AZI2: variants seen among roughly 807,000 people sequenced by gnomAD.
AZI2 encodes 5-azacytidine induced 2.
AZI2 carries 22 observed loss-of-function variants against 45.8 expected under a neutral mutation model. The ratio of observed to expected loss-of-function variants is 0.48; its 90% CI spans 0.34 to 0.69. The LOEUF is 0.69. Among genes scored for constraint, AZI2 ranks in the 30% least tolerant of loss-of-function variants. The probability of loss-of-function intolerance (pLI) is 0.01; values close to 1 mark genes in which losing one functional copy is unlikely to be tolerated. For synonymous variants in AZI2, 137 were observed against 156.7 expected (o/e 0.87, Z 0.94); for missense variants, 417 against 441.5 (o/e 0.94, Z 0.50).
Position 28,322,416 on chromosome 3 carries a change from A to C in AZI2, c.*1626T>G, listed in dbSNP as rs1447196328. The C allele has an allele frequency of 6.6e-6, 1 of 151,662 alleles. No homozygotes were observed. Among genetic ancestry groups the C allele is most frequent in the Non-Finnish European group, 1.5e-5 (1 of 67,440 alleles). 9.4% of individuals were successfully genotyped at this position (151,662 alleles called of 1,614,324 possible). On this transcript the variant is annotated 3_prime_UTR_variant, in exon 8 of 8. Coordinates refer to ENST00000479665, the MANE Select transcript of AZI2 (RefSeq NM_022461.5). ...ATTTCTTGGTATTGTTCAAAACATT[A>C]ATCAAGCAATTATCTCATAAGACTT...
intron 6 of AZI2, 90 bp downstream of exon 6, chr3:28,332,279 G>A: frequency 8.5e-7 from 1 of 1,170,202 alleles, no homozygotes; most frequent in Non-Finnish European, 1.2e-6. Context: ...TTGTTTTTAA[G>A]GTTAAGTCAT....
At chr3:28,336,582 AAG>A (rs1290080581) in intron 5 of AZI2, among the ~76,000 whole-genome samples, 153 bp downstream of exon 5, 1 of 152,234 alleles carries the variant, frequency 6.6e-6, no homozygotes, top group African/African-American at 2.4e-5. Context: ...GAAATGCTTA[AAG>A]AGGTAGATAA....
Position 28,338,051 on chromosome 3 carries a change from A to G in AZI2, c.340-15T>C. 7.0e-7 allele frequency: 1 copy of G among 1,436,230 alleles called. No individual in the cohort carries two copies. Among genetic ancestry groups the G allele is most frequent in the Non-Finnish European group, 9.6e-7 (1 of 1,046,578 alleles). The allele number at this position is 1,436,230 out of a possible 1,614,324, so 89.0% of individuals were successfully genotyped here. ...TTGTCTTTATTCTAGTTAAGTAGGG[A>G]AAATGCCAAATTACATTCAATAAAA... On this transcript the variant is annotated splice_polypyrimidine_tract_variant and intron_variant, in intron 3 of 7. Transcript: ENST00000479665.
chr3:28,329,871 C>G (rs930507353), intron 6 of AZI2, among the ~76,000 whole-genome samples: 6 of 151,260 alleles, frequency 4.0e-5, no homozygotes, highest in Admixed American at 2.7e-4. Context: ...ACCATACTTA[C>G]CCTTATTGTG....
At chr3:28,347,195 G>A (rs1704277116) in intron 1 of AZI2, among the ~76,000 whole-genome samples, 1 of 152,146 alleles carries the variant, frequency 6.6e-6, no homozygotes, top group Non-Finnish European at 1.5e-5. Flanking sequence ...AAAAGAAAAA[G>A]ATTGGTTCTA....
chr3:28,340,744 T>C (rs1346346820), intron 1 of AZI2, 122 bp from the exon 2 acceptor site: 18 of 760,984 alleles, frequency 2.4e-5, no homozygotes, highest in Admixed American at 3.1e-5. Flanking sequence ...ACTGCCTGGG[T>C]TGTATTCTAA....
chr3:28,326,489 CTTT>C (rs5847511), intron 7 of AZI2: 47 of 142,136 alleles, frequency 3.3e-4, no homozygotes, highest in South Asian at 1.6e-3. Flanking sequence ...CTTTTGGTGT[CTTT>C]TTTTTTTTTT....
intron 1 of AZI2, among the ~76,000 whole-genome samples, chr3:28,347,766 C>T (rs183885846): frequency 1.2e-4 from 19 of 152,280 alleles, no homozygotes; most frequent in African/African-American, 4.3e-4. Flanking sequence ...ATGCACTGTT[C>T]TCAATTTACA....
intron 6 of AZI2, among the ~76,000 whole-genome samples, chr3:28,329,247 A>G (rs774873299): frequency 1.1e-4 from 16 of 151,048 alleles, no homozygotes; most frequent in Non-Finnish European, 2.1e-4. Context: ...GAGTAACCTC[A>G]TTTTACACAC....
rs565396769 is a variant in AZI2 at position 28,326,337 on chromosome 3, T to G, written c.766+495A>C. Among the ~76,000 whole-genome samples the G allele has an allele frequency of 2.0e-5, 3 of 151,108 alleles. No individual in the cohort carries two copies. In the South Asian group the frequency reaches 6.2e-4, roughly 31 times the overall value. ...AGGGGAGAACACCTAGTCTTCGTTG[T>G]AATCAGCTATATCCTTTATGGAAAG... On this transcript the variant is annotated intron_variant, in intron 7 of 7. Transcript: ENST00000479665.
In AZI2 at chr3:28,338,527, T is replaced by A; in HGVS notation, c.305A>T (p.Asp102Val). The change falls in exon 3 of 8, where the codon GAT (aspartate) becomes GTT (valine). Residue 102 changes from aspartate to valine, a missense_variant. Asp to Val is a radical substitution (Grantham distance 152, BLOSUM62 -3). Transcript: ENST00000479665. ...CAGTTTGCTCTTCAAATTATCTCTATCAATGCAAACCTCTCGATATGCATG... is the reference window on the plus strand; with the variant it reads ...CAGTTTGCTCTTCAAATTATCTCTAACAATGCAAACCTCTCGATATGCATG... The part of the protein sequence containing the change: ...AYHAYREVCI[D>V]RDNLKSKLDK... 6.3e-7 allele frequency: 1 copy of A among 1,594,200 alleles called. No homozygotes were observed. The highest frequency in any genetic ancestry group is 8.6e-7 in the Non-Finnish European group (1 of 1,166,062).
At chr3:28,330,853 T>G (rs1445886280) in intron 6 of AZI2, among the ~76,000 whole-genome samples, 1 of 151,340 alleles carries the variant, frequency 6.6e-6, no homozygotes, top group Non-Finnish European at 1.5e-5. Flanking sequence ...TAACGTGAAG[T>G]AACTTTTAAA....
intron 1 of AZI2, among the ~76,000 whole-genome samples, chr3:28,342,921 C>G (rs983171738): frequency 6.6e-6 from 1 of 151,916 alleles, no homozygotes; most frequent in Admixed American, 6.6e-5. Flanking sequence ...CTAAAGACAG[C>G]TGAAAACAAG....
intron 2 of AZI2, among the ~76,000 whole-genome samples, 155 bp downstream of exon 2, chr3:28,340,247 A>T (rs1337224955): frequency 6.6e-6 from 1 of 152,144 alleles, no homozygotes; most frequent in African/African-American, 2.4e-5. Flanking sequence ...GAAACACAGG[A>T]TAAGTATAAT....
intron 6 of AZI2, among the ~76,000 whole-genome samples, chr3:28,330,562 T>A (rs1703533862): frequency 1.3e-5 from 2 of 151,280 alleles, no homozygotes; most frequent in South Asian, 4.1e-4. Context: ...GCAGAAATGA[T>A]GAGGCGAAAA....
Position 28,322,833 on chromosome 3 carries a change from C to A in AZI2, c.*1209G>T, listed in dbSNP as rs1231954588. ...TATTCAGTAATACAGTAGAAGAGAT[C>A]TGAGATATTGAGTTCAAGATATATG... is the stretch of plus-strand genomic sequence containing the variant. On this transcript the variant is annotated 3_prime_UTR_variant, in exon 8 of 8. Transcript: ENST00000479665. 6.6e-6 allele frequency: 1 copy of A among 151,118 alleles called. No homozygotes were observed. Among genetic ancestry groups the A allele is most frequent in the East Asian group, 1.9e-4 (1 of 5,146 alleles). The allele number at this position is 151,118 out of a possible 1,614,324, so 9.4% of individuals were successfully genotyped here.
At chr3:28,335,902 T>A (rs1014087857) in intron 5 of AZI2, among the ~76,000 whole-genome samples, 7 of 152,050 alleles carry the variant, frequency 4.6e-5, no homozygotes, top group Admixed American at 3.3e-4. Context: ...ATACCTTAGT[T>A]TGAGATACAT....
At chr3:28,337,003 T>C in intron 4 of AZI2, 118 bp from the exon 5 acceptor site, 3 of 975,002 alleles carry the variant, frequency 3.1e-6, no homozygotes, top group Non-Finnish European at 4.4e-6. Flanking sequence ...AAAACATATA[T>C]GATCAATAGT....
intron 1 of AZI2, among the ~76,000 whole-genome samples, chr3:28,346,409 T>A (rs192481511): frequency 6.6e-6 from 1 of 152,238 alleles, no homozygotes; most frequent in African/African-American, 2.4e-5. Context: ...AATTCACATT[T>A]ATGCCAGGAA....
Sources: gnomAD v4.1 joint callset for allele counts (sites outside exome capture counted in the v4.1 genomes callset) on GRCh38, gnomAD v4.1.1 for gene constraint, MANE v1.5 for transcripts, NCBI Gene and HGNC (gene_info 2026-07-23, HGNC 2026-07-21) for gene names.